Variants in TRIM44 observed in about 807,000 individuals in gnomAD.
The protein encoded by TRIM44 is tripartite motif containing 44, also known as tripartite motif-containing protein 44.
Under a neutral mutation model 37.4 loss-of-function variants are expected in TRIM44, and 13 were observed. The observed-to-expected ratio is 0.35, with a 90% CI of 0.23 to 0.55. The LOEUF is 0.55. TRIM44 is among the 20% of genes least tolerant of loss of function. TRIM44 has a pLI of 0.89. For missense variants in TRIM44, 426 were observed against 437.2 expected, an observed-to-expected ratio of 0.97 and a Z score of 0.23; for synonymous variants, 175 against 157.2, an observed-to-expected ratio of 1.11 and a Z score of -0.85.
At chr11:35,777,680 C>G (rs1258172507) in intron 4 of TRIM44, among the ~76,000 whole-genome samples, 6 of 152,096 alleles carry the variant, frequency 3.9e-5, no homozygotes, top group African/African-American at 9.7e-5. Flanking sequence ...GCATTTGCTT[C>G]TCTGTAAAGG....
intron 4 of TRIM44, among the ~76,000 whole-genome samples, chr11:35,757,014 G>T (rs535082114): frequency 6.6e-6 from 1 of 152,290 alleles, no homozygotes; most frequent in South Asian, 2.1e-4. Flanking sequence ...GATGATGCTG[G>T]CCTCATAAAA....
chr11:35,670,004 G>A (rs912677646), intron 1 of TRIM44, among the ~76,000 whole-genome samples: 3 of 150,620 alleles, frequency 2.0e-5, no homozygotes, highest in African/African-American at 7.3e-5. Flanking sequence ...TGTAGTTTTA[G>A]TAGAGACCAG....
intron 4 of TRIM44, among the ~76,000 whole-genome samples, chr11:35,770,969 G>C (rs965164780): frequency 6.6e-6 from 1 of 152,108 alleles, no homozygotes; most frequent in Non-Finnish European, 1.5e-5. Flanking sequence ...TTTCTTCCCA[G>C]TCTCAGTTAT....
chr11:35,670,768 C>G (rs114478823), intron 1 of TRIM44, among the ~76,000 whole-genome samples: 1 of 152,202 alleles, frequency 6.6e-6, no homozygotes, highest in South Asian at 2.1e-4. Flanking sequence ...TGTCATGTCT[C>G]ACAGTTTTTC....
intron 2 of TRIM44, among the ~76,000 whole-genome samples, chr11:35,696,377 C>T (rs113973130): frequency 0.047 from 7,042 of 151,148 alleles, 548 homozygotes; most frequent in African/African-American, 0.16. Flanking sequence ...CTCCTGACCT[C>T]GTGATCCACC....
intron 3 of TRIM44, among the ~76,000 whole-genome samples, chr11:35,727,767 C>T (rs549888474): frequency 1.4e-4 from 21 of 152,270 alleles, no homozygotes; most frequent in Non-Finnish European, 1.5e-4. Flanking sequence ...TAAGTCTGTG[C>T]TATTTCAGTG....
rs1055908737 is a variant in TRIM44, at chr11:35,817,756, T to C, written c.*11371T>C. 6.6e-6 allele frequency: 1 copy of C among 152,184 alleles called. No homozygotes were observed. Among genetic ancestry groups the C allele is most frequent in the Non-Finnish European group, 1.5e-5 (1 of 68,030 alleles). 9.4% of individuals were successfully genotyped at this position (152,184 alleles called of 1,614,324 possible). On this transcript the variant is annotated 3_prime_UTR_variant, in exon 5 of 5. Coordinates refer to ENST00000299413, the MANE Select transcript of TRIM44 (RefSeq NM_017583.6). Reference sequence around the variant, plus strand: ...GGGAAGATTGGATCATGGGGGAGTTTTCTCATGATTTAACAACATCCGCCC... The same window carrying C: ...GGGAAGATTGGATCATGGGGGAGTTCTCTCATGATTTAACAACATCCGCCC...
At chr11:35,703,311 G>C (rs1332486981) in intron 2 of TRIM44, among the ~76,000 whole-genome samples, 1 of 152,232 alleles carries the variant, frequency 6.6e-6, no homozygotes, top group African/African-American at 2.4e-5. Flanking sequence ...GCCTCTGTAG[G>C]CTCCACCTGT....
chr11:35,717,556 A>C (rs1852052864), intron 2 of TRIM44, among the ~76,000 whole-genome samples: 1 of 151,472 alleles, frequency 6.6e-6, no homozygotes, highest in African/African-American at 2.4e-5. Context: ...TAATAATAAA[A>C]CTCTGGTGTC....
chr11:35,776,137 C>T (rs1483436506), intron 4 of TRIM44, among the ~76,000 whole-genome samples: 1 of 152,158 alleles, frequency 6.6e-6, no homozygotes, highest in East Asian at 1.9e-4. Context: ...ATTATTGCCT[C>T]AATTTCAGAG....
intron 1 of TRIM44, among the ~76,000 whole-genome samples, chr11:35,672,727 T>C (rs1040372795): frequency 3.3e-4 from 51 of 152,270 alleles, no homozygotes; most frequent in Non-Finnish European, 6.8e-4. Flanking sequence ...GAATCTGGCT[T>C]TTCATTCAGC....
intron 4 of TRIM44, 26 bp from the exon 5 acceptor site, chr11:35,806,332 C>T: frequency 6.2e-7 from 1 of 1,613,364 alleles, no homozygotes; most frequent in Non-Finnish European, 8.5e-7. Context: ...TATCTTAACT[C>T]ACCTGGTTCT....
intron 4 of TRIM44, among the ~76,000 whole-genome samples, chr11:35,765,155 T>A (rs1852780120): frequency 6.6e-6 from 1 of 152,158 alleles, no homozygotes; most frequent in African/African-American, 2.4e-5. Context: ...AATTTAAATC[T>A]TAATAATTAT....
chr11:35,747,314 T>G (rs1852504205), intron 4 of TRIM44, among the ~76,000 whole-genome samples: 1 of 152,234 alleles, frequency 6.6e-6, no homozygotes, highest in South Asian at 2.1e-4. Context: ...TTAAAACAAC[T>G]CTGTGAGGAC....
chr11:35,689,062 G>A (rs1185474998), intron 2 of TRIM44, among the ~76,000 whole-genome samples: 2 of 152,182 alleles, frequency 1.3e-5, no homozygotes, highest in African/African-American at 4.8e-5. Context: ...AAAAGAGGTG[G>A]GTTAGGAAGT....
chr11:35,773,127 C>T (rs1852897250), intron 4 of TRIM44, among the ~76,000 whole-genome samples: 2 of 152,142 alleles, frequency 1.3e-5, no homozygotes, highest in South Asian at 4.2e-4. Flanking sequence ...TTTTCTCTTG[C>T]TACCACCATG....
At chr11:35,754,277 G>A (rs1024146531) in intron 4 of TRIM44, among the ~76,000 whole-genome samples, 1 of 152,032 alleles carries the variant, frequency 6.6e-6, no homozygotes, top group Non-Finnish European at 1.5e-5. Context: ...GAGTAAACAG[G>A]GAATCATCTC....
chr11:35,733,642 CCTT>C (rs1243607998), intron 3 of TRIM44, among the ~76,000 whole-genome samples: 1 of 152,026 alleles, frequency 6.6e-6, no homozygotes, highest in African/African-American at 2.4e-5. Flanking sequence ...CCAAAAATGC[CCTT>C]CTTATTCGAC....
intron 4 of TRIM44, among the ~76,000 whole-genome samples, chr11:35,747,461 T>C (rs1472385432): frequency 6.6e-6 from 1 of 152,216 alleles, no homozygotes; most frequent in African/African-American, 2.4e-5. Flanking sequence ...GTTAAAATTC[T>C]ATGCTTCCAA....
Sources: allele counts gnomAD v4.1 joint callset (sites outside exome capture counted in the v4.1 genomes callset), GRCh38; gene constraint gnomAD v4.1.1; transcripts MANE v1.5; gene names NCBI Gene and HGNC (gene_info 2026-07-23, HGNC 2026-07-21).